TSPAN5: variants seen among roughly 807,000 people sequenced by gnomAD.
TSPAN5 encodes tetraspanin-5.
Under a neutral mutation model 37.1 loss-of-function variants are expected in TSPAN5, and 10 were observed. That is an observed-to-expected ratio of 0.27 (90% CI 0.17 to 0.46). The LOEUF is 0.46. Ranked by LOEUF, TSPAN5 falls within the 20% of genes least tolerant of loss-of-function variation. The pLI, the probability that TSPAN5 is intolerant of heterozygous loss-of-function variation, is 1.00. For synonymous variants in TSPAN5, 110 were observed against 118.9 expected (o/e 0.93, Z 0.48); for missense variants, 195 against 326.6 (o/e 0.60, Z 3.11).
intron 1 of TSPAN5, among the ~76,000 whole-genome samples, chr4:98,640,945 A>C (rs1389115891): frequency 6.6e-6 from 1 of 152,166 alleles, no homozygotes; most frequent in Non-Finnish European, 1.5e-5. Flanking sequence ...GGTCGCCACT[A>C]ATATTACCCA....
At chr4:98,519,535 A>G (rs1753808838) in intron 1 of TSPAN5, among the ~76,000 whole-genome samples, 1 of 152,138 alleles carries the variant, frequency 6.6e-6, no homozygotes, top group Admixed American at 6.5e-5. Flanking sequence ...AGGCAAGGAA[A>G]AAAATGAATG....
chr4:98,538,894 T>C (rs1357627033), intron 1 of TSPAN5, among the ~76,000 whole-genome samples: 1 of 152,190 alleles, frequency 6.6e-6, no homozygotes, highest in Non-Finnish European at 1.5e-5. Flanking sequence ...TTACCTTTAT[T>C]CATCAAAATA....
chr4:98,618,672 C>T (rs1167327513), intron 1 of TSPAN5, among the ~76,000 whole-genome samples: 4 of 152,132 alleles, frequency 2.6e-5, no homozygotes, highest in African/African-American at 7.2e-5. Flanking sequence ...CCTAGGTCCA[C>T]GGGACTCTAA....
chr4:98,586,302 C>T (rs1755482478), intron 1 of TSPAN5, among the ~76,000 whole-genome samples: 1 of 152,036 alleles, frequency 6.6e-6, no homozygotes, highest in African/African-American at 2.4e-5. Context: ...TTTCTCCTTC[C>T]TCTCCTTTTT....
chr4:98,577,124 T>A (rs927619919), intron 1 of TSPAN5, among the ~76,000 whole-genome samples: 1 of 152,222 alleles, frequency 6.6e-6, no homozygotes, highest in Admixed American at 6.5e-5. Flanking sequence ...ATAACTGTTT[T>A]ATATTCTGCT....
chr4:98,653,824 A>G (rs991308050), intron 1 of TSPAN5, among the ~76,000 whole-genome samples: 1 of 152,220 alleles, frequency 6.6e-6, no homozygotes, highest in Non-Finnish European at 1.5e-5. Context: ...ACAGTAGACT[A>G]TATTTTTCAA....
chr4:98,529,134 C>A (rs112013113), intron 1 of TSPAN5, among the ~76,000 whole-genome samples: 1 of 152,188 alleles, frequency 6.6e-6, no homozygotes, highest in Non-Finnish European at 1.5e-5. Flanking sequence ...ATGGCCCCAT[C>A]CACCCACTGA....
chr4:98,619,079 TA>T (rs1756416898), intron 1 of TSPAN5, among the ~76,000 whole-genome samples: 1 of 152,114 alleles, frequency 6.6e-6, no homozygotes, highest in Non-Finnish European at 1.5e-5. Flanking sequence ...TCATTAAAAA[TA>T]AAAAACTGTA....
In TSPAN5 at chr4:98,476,312, A is replaced by G; in HGVS notation, c.625-7T>C. 3 of 1,613,976 alleles carry G rather than the reference A, an allele frequency of 1.9e-6. No homozygotes were observed. Among genetic ancestry groups the G allele is most frequent in the Non-Finnish European group, 2.5e-6 (3 of 1,179,814 alleles). On this transcript the variant is annotated splice_polypyrimidine_tract_variant and splice_region_variant and intron_variant, in intron 6 of 7. Coordinates refer to ENST00000305798, the MANE Select transcript of TSPAN5 (RefSeq NM_005723.4). The stretch of plus-strand genomic sequence containing the variant: ...CAATCTGCTGGTCAACTTCCTTCAC[A>G]AGAGAAGAGGAGAGCACATTGTCAC...
At chr4:98,484,829 C>T in intron 3 of TSPAN5, 1 of 291,656 alleles carries the variant, frequency 3.4e-6, no homozygotes, top group South Asian at 3.3e-5. Context: ...TCAGAGGATC[C>T]CAGCCAGGTA....
chr4:98,482,290 C>T, intron 3 of TSPAN5, 115 bp from the exon 4 acceptor site: 1 of 851,592 alleles, frequency 1.2e-6, no homozygotes, highest in South Asian at 1.9e-5. Flanking sequence ...TACACATCTC[C>T]AAAGCAGATA....
At chr4:98,610,235 C>T (rs768297401) in intron 1 of TSPAN5, among the ~76,000 whole-genome samples, 7 of 152,180 alleles carry the variant, frequency 4.6e-5, no homozygotes, top group Non-Finnish European at 8.8e-5. Context: ...AGATGAGGGG[C>T]AGCAAGAGAT....
chr4:98,543,043 G>A (rs1754394668), intron 1 of TSPAN5, among the ~76,000 whole-genome samples: 2 of 152,072 alleles, frequency 1.3e-5, no homozygotes, highest in Admixed American at 6.5e-5. Context: ...ACCACTGGGG[G>A]AAAAATATCA....
chr4:98,617,176 T>G (rs1756361573), intron 1 of TSPAN5, among the ~76,000 whole-genome samples: 1 of 152,052 alleles, frequency 6.6e-6, no homozygotes, highest in Non-Finnish European at 1.5e-5. Context: ...AAGTAATATT[T>G]GTGGGACTCA....
chr4:98,524,484 T>A (rs1048772506), intron 1 of TSPAN5, among the ~76,000 whole-genome samples: 1 of 152,180 alleles, frequency 6.6e-6, no homozygotes, highest in Admixed American at 6.5e-5. Context: ...TCCATGTCAA[T>A]CCTATCAGAC....
chr4:98,658,280 G>A lies in TSPAN5; in HGVS notation c.-54C>T. 1 of 1,443,484 alleles carries A rather than the reference G, an allele frequency of 6.9e-7. No individual in the cohort carries two copies. The highest frequency in any genetic ancestry group is 9.8e-7 in the Non-Finnish European group (1 of 1,024,494). The allele number at this position is 1,443,484 out of a possible 1,614,324, so 89.4% of individuals were successfully genotyped here. A position where few individuals can be genotyped will look rare whatever the true frequency, so the allele number is the denominator to read the frequency against. ...GGCAGCCCGAGTTTGGAGCTCCGAA[G>A]CACCGTTGCTCGGAGCAGCCCGGCG... On this transcript the variant is annotated 5_prime_UTR_variant, in exon 1 of 8. Coordinates refer to ENST00000305798, the MANE Select transcript of TSPAN5 (RefSeq NM_005723.4).
At chr4:98,623,093 G>A (rs944270574) in intron 1 of TSPAN5, among the ~76,000 whole-genome samples, 3 of 151,998 alleles carry the variant, frequency 2.0e-5, no homozygotes, top group Admixed American at 1.3e-4. Flanking sequence ...GGGAGGGGAG[G>A]GTAGTGGTGG....
chr4:98,646,308 G>C (rs973612408), intron 1 of TSPAN5, among the ~76,000 whole-genome samples: 5 of 152,076 alleles, frequency 3.3e-5, no homozygotes, highest in Non-Finnish European at 5.9e-5. Flanking sequence ...ATGACCTCAA[G>C]AATTTGTCTG....
intron 1 of TSPAN5, among the ~76,000 whole-genome samples, chr4:98,646,588 G>A (rs1308768071): frequency 2.0e-5 from 3 of 152,114 alleles, no homozygotes; most frequent in Non-Finnish European, 4.4e-5. Context: ...AAAGAAAAAA[G>A]GGAAAATTAA....
Sources: gnomAD v4.1 joint callset for allele counts (sites outside exome capture counted in the v4.1 genomes callset) on GRCh38, gnomAD v4.1.1 for gene constraint, MANE v1.5 for transcripts, NCBI Gene and HGNC (gene_info 2026-07-23, HGNC 2026-07-21) for gene names.